PTK2B: variants seen among roughly 807,000 people sequenced by gnomAD.
The protein encoded by PTK2B is protein tyrosine kinase 2 beta.
In PTK2B, 71 loss-of-function variants were observed where a neutral mutation model predicts 142.9. The ratio of observed to expected loss-of-function variants is 0.50; its 90% confidence interval spans 0.41 to 0.61. PTK2B has a LOEUF of 0.61. PTK2B is among the 20% of genes least tolerant of loss of function. The pLI, the probability that PTK2B is intolerant of heterozygous loss-of-function variation, is 0.00. For synonymous variants in PTK2B, 519 were observed against 503.4 expected (o/e 1.03, Z -0.42); for missense variants, 1,105 against 1,320.4 (o/e 0.84, Z 2.53).
chr8:27,431,472 G>T lies in PTK2B; in HGVS notation c.885G>T (p.Lys295Asn), dbSNP rs372782567. 5 of 1,614,096 alleles carry T rather than the reference G, an allele frequency of 3.1e-6. No homozygotes were observed. The highest frequency in any genetic ancestry group is 4.2e-6 in the Non-Finnish European group (5 of 1,180,034). Residue 295 changes from lysine to asparagine, a missense_variant and splice_region_variant, in exon 9 of 31, where the codon AAG (lysine) becomes AAT (asparagine). By Grantham distance (94) the Lys-to-Asn change is moderately conservative. Coordinates refer to ENST00000346049, the MANE Select transcript of PTK2B (RefSeq NM_173176.3). ...GIRQLTSQDA[K>N]PTCLAEFKQI... is the part of the protein sequence containing the mutation. ...GCCAGCTGACTAGTCAGGACGCAAA[G>T]GTAGAGAGACCCGGGGCAGCCCCAC...
At chr8:27,420,204 T>A in intron 3 of PTK2B, 131 bp downstream of exon 3, 1 of 1,066,770 alleles carries the variant, frequency 9.4e-7, no homozygotes, top group Non-Finnish European at 1.4e-6. Flanking sequence ...CATTCTAGGC[T>A]TAGTCTTCCT....
intron 15 of PTK2B, among the ~76,000 whole-genome samples, chr8:27,436,816 G>A (rs367772420): frequency 6.6e-6 from 1 of 152,188 alleles, no homozygotes; most frequent in African/African-American, 2.4e-5. Flanking sequence ...GCATGATAAT[G>A]GCTTGCAGGT....
At chr8:27,456,989 T>C (rs1280281579) in intron 30 of PTK2B, among the ~76,000 whole-genome samples, 1 of 152,194 alleles carries the variant, frequency 6.6e-6, no homozygotes, top group Admixed American at 6.5e-5. Flanking sequence ...AGAAATCACC[T>C]CTGTAACATA....
upstream of PTK2B, among the ~76,000 whole-genome samples, chr8:27,321,988 T>C (rs1476873869): frequency 6.6e-6 from 1 of 151,954 alleles, no homozygotes; most frequent in Non-Finnish European, 1.5e-5. Flanking sequence ...CATAAGTTTT[T>C]CTTTGTCCCT....
chr8:27,408,540 C>A (rs1324796778), intron 2 of PTK2B, among the ~76,000 whole-genome samples: 5 of 152,336 alleles, frequency 3.3e-5, no homozygotes, highest in African/African-American at 1.2e-4. Context: ...TCTGAAGGTA[C>A]CTGTGTATGC....
At chr8:27,397,319 G>C (rs925482046) in intron 1 of PTK2B, 25 of 503,256 alleles carry the variant, frequency 5.0e-5, no homozygotes, top group African/African-American at 4.6e-4. Context: ...TCATACCCCT[G>C]GGAGCCCCAA....
intron 1 of PTK2B, among the ~76,000 whole-genome samples, chr8:27,330,334 G>A (rs114340798): frequency 6.6e-6 from 1 of 152,170 alleles, no homozygotes; most frequent in Non-Finnish European, 1.5e-5. Context: ...AGAGGTTATA[G>A]GTCCTCTTCT....
chr8:27,348,502 C>T (rs1459962911), intron 1 of PTK2B, among the ~76,000 whole-genome samples: 3 of 152,252 alleles, frequency 2.0e-5, no homozygotes, highest in African/African-American at 2.4e-5. Flanking sequence ...CGCCTAGTAA[C>T]GATATGCTTA....
intron 1 of PTK2B, among the ~76,000 whole-genome samples, chr8:27,350,920 G>A (rs1249462387): frequency 1.5e-4 from 20 of 130,982 alleles, no homozygotes; most frequent in African/African-American, 5.6e-4. Context: ...AGGTTGCAGT[G>A]AGCCGAGATC....
chr8:27,352,326 C>T (rs1805145661), intron 1 of PTK2B, among the ~76,000 whole-genome samples: 1 of 152,202 alleles, frequency 6.6e-6, no homozygotes, highest in Non-Finnish European at 1.5e-5. Flanking sequence ...CCAGTGTAGG[C>T]ATGACGCATG....
intron 27 of PTK2B, chr8:27,451,751 C>T (rs775653011): frequency 4.4e-6 from 6 of 1,371,840 alleles, no homozygotes; most frequent in Non-Finnish European, 5.6e-6. Context: ...TTAGGCCCCT[C>T]CTCAGATCAT....
intron 1 of PTK2B, among the ~76,000 whole-genome samples, chr8:27,347,620 C>G (rs1046915384): frequency 1.3e-5 from 2 of 152,166 alleles, no homozygotes; most frequent in African/African-American, 4.8e-5. Context: ...ATCTCCTCCT[C>G]TTATAAAGGC....
chr8:27,365,297 C>T (rs957771045), intron 1 of PTK2B, among the ~76,000 whole-genome samples: 8 of 152,302 alleles, frequency 5.3e-5, no homozygotes, highest in African/African-American at 1.2e-4. Flanking sequence ...TACTCTCTCT[C>T]GTCTGCCAAC....
At chr8:27,421,337 T>G (rs1809738705) in intron 4 of PTK2B, among the ~76,000 whole-genome samples, 1 of 151,526 alleles carries the variant, frequency 6.6e-6, no homozygotes, top group African/African-American at 2.4e-5. Context: ...TCAATGGGTT[T>G]TTTGGGGGAA....
chr8:27,429,777 G>C (rs1810293999), intron 5 of PTK2B, among the ~76,000 whole-genome samples: 1 of 152,186 alleles, frequency 6.6e-6, no homozygotes, highest in South Asian at 2.1e-4. Flanking sequence ...GATCATTCAA[G>C]CATTGGCTGC....
upstream of PTK2B, chr8:27,311,097 G>A (rs1444925730): frequency 4.4e-6 from 7 of 1,598,484 alleles, no homozygotes; most frequent in East Asian, 1.6e-4. Flanking sequence ...TCCCAGCAGC[G>A]GCTCACGCAC....
chr8:27,401,384 A>G (rs1042752930), intron 2 of PTK2B, among the ~76,000 whole-genome samples: 1 of 152,208 alleles, frequency 6.6e-6, no homozygotes, highest in African/African-American at 2.4e-5. Context: ...AAATAAGTGC[A>G]TGGCTTTAGC....
At chr8:27,433,710 T>G (rs1810589195) in intron 11 of PTK2B, among the ~76,000 whole-genome samples, 158 bp downstream of exon 11, 3 of 152,230 alleles carry the variant, frequency 2.0e-5, no homozygotes, top group Admixed American at 2.0e-4. Context: ...CATCTTAGGC[T>G]TTAAGCCCTG....
At chr8:27,378,509 C>T (rs1806803966) in intron 1 of PTK2B, among the ~76,000 whole-genome samples, 4 of 152,040 alleles carry the variant, frequency 2.6e-5, no homozygotes, top group Admixed American at 2.6e-4. Flanking sequence ...AAGCTGAGGT[C>T]AGATAGATAA....
Sources: gnomAD v4.1 joint callset for allele counts (sites outside exome capture counted in the v4.1 genomes callset) on GRCh38, gnomAD v4.1.1 for gene constraint, MANE v1.5 for transcripts, NCBI Gene and HGNC (gene_info 2026-07-23, HGNC 2026-07-21) for gene names.